Variants in CSF1R observed in about 807,000 individuals in gnomAD.
CSF1R encodes the protein macrophage colony-stimulating factor 1 receptor.
CSF1R carries 40 observed loss-of-function variants against 110.0 expected under a neutral mutation model. That is an observed-to-expected ratio of 0.36 (90% CI 0.28 to 0.47). The LOEUF (loss-of-function observed/expected upper bound fraction) is 0.47, where lower values mean the gene tolerates loss of function less well. Ranked by LOEUF, CSF1R falls within the 20% of genes least tolerant of loss-of-function variation. The pLI is 0.99. For synonymous variants in CSF1R, 523 were observed against 503.4 expected (o/e 1.04, Z -0.52); for missense variants, 1,052 against 1,253.0 (o/e 0.84, Z 2.42).
At chr5:150,054,501 G>A (rs949072243) in intron 19 of CSF1R, 71 bp from the exon 20 acceptor site, 3 of 1,311,050 alleles carry the variant, frequency 2.3e-6, no homozygotes, top group Non-Finnish European at 3.2e-6. Flanking sequence ...CACACCCCTA[G>A]AGAGACCTAC....
intron 1 of CSF1R, among the ~76,000 whole-genome samples, chr5:150,108,262 G>C (rs745875896): frequency 3.9e-5 from 6 of 152,320 alleles, no homozygotes; most frequent in Middle Eastern, 3.4e-3. Flanking sequence ...AAGCTTCTTG[G>C]AGAAAGTAGC....
At chr5:150,083,537 A>T (rs1758660986) in intron 1 of CSF1R, among the ~76,000 whole-genome samples, 2 of 151,654 alleles carry the variant, frequency 1.3e-5, no homozygotes. Context: ...TCCACTCATC[A>T]TTGGTCTGTT....
chr5:150,086,300 G>A lies in CSF1R; in HGVS notation c.49+79C>T, dbSNP rs41440044. The A allele has an allele frequency of 1.1e-3, 1,592 of 1,418,034 alleles. 13 individuals carry two copies. The African/African-American group carries it at 0.02, about 18-fold the overall frequency. The allele number at this position is 1,418,034 out of a possible 1,614,324, so 87.8% of individuals were successfully genotyped here. On this transcript the variant is annotated intron_variant, in intron 1 of 20. Coordinates refer to ENST00000675795, the MANE Select transcript of CSF1R (RefSeq NM_001288705.3). ...AAACAGCCTGAGGACACCCAGTGAGGGGCAAGGACTGAATCCTTTCACAGG... is the reference window on the plus strand; with the variant it reads ...AAACAGCCTGAGGACACCCAGTGAGAGGCAAGGACTGAATCCTTTCACAGG...
chr5:150,064,921 G>A (rs956141036), intron 10 of CSF1R, among the ~76,000 whole-genome samples: 13 of 152,326 alleles, frequency 8.5e-5, no homozygotes, highest in East Asian at 3.9e-4. Flanking sequence ...GCTCATGGGC[G>A]TCTACCCAGA....
At chr5:150,063,031 T>G (rs1308512562) in intron 10 of CSF1R, among the ~76,000 whole-genome samples, 1 of 151,992 alleles carries the variant, frequency 6.6e-6, no homozygotes, top group African/African-American at 2.4e-5. Flanking sequence ...TGGGATTTTT[T>G]TTTTTCCAAG....
intron 10 of CSF1R, among the ~76,000 whole-genome samples, chr5:150,064,924 T>C (rs1757692958): frequency 6.6e-6 from 1 of 152,208 alleles, no homozygotes; most frequent in Non-Finnish European, 1.5e-5. Flanking sequence ...CATGGGCGTC[T>C]ACCCAGAGGC....
At chr5:150,085,156 G>A (rs1219524575) in intron 1 of CSF1R, among the ~76,000 whole-genome samples, 2 of 151,730 alleles carry the variant, frequency 1.3e-5, no homozygotes, top group Non-Finnish European at 1.5e-5. Flanking sequence ...GTGTATGCCT[G>A]TAATCCCAGC....
intron 1 of CSF1R, among the ~76,000 whole-genome samples, chr5:150,100,044 G>A (rs1008046197): frequency 6.6e-6 from 1 of 152,052 alleles, no homozygotes; most frequent in Non-Finnish European, 1.5e-5. Context: ...ATAGACTGGT[G>A]GTACAAAATA....
At chr5:150,106,513 C>G (rs1294617292) in intron 1 of CSF1R, among the ~76,000 whole-genome samples, 1 of 152,148 alleles carries the variant, frequency 6.6e-6, no homozygotes. Context: ...GGGACCCAGA[C>G]AGAATAATGG....
intron 1 of CSF1R, among the ~76,000 whole-genome samples, chr5:150,106,375 C>A (rs1036238231): frequency 6.6e-6 from 1 of 152,162 alleles, no homozygotes; most frequent in Non-Finnish European, 1.5e-5. Context: ...GACCCTGGAA[C>A]CTCCAGACCC....
chr5:150,080,726 T>G, intron 2 of CSF1R, 41 bp downstream of exon 2: 1 of 1,612,026 alleles, frequency 6.2e-7, no homozygotes, highest in Non-Finnish European at 8.5e-7. Context: ...TAGTGGGGCC[T>G]GCCGGGTCAG....
chr5:150,075,243 T>C (rs1300485284), intron 5 of CSF1R, among the ~76,000 whole-genome samples: 2 of 152,182 alleles, frequency 1.3e-5, no homozygotes, highest in African/African-American at 4.8e-5. Context: ...CATCCATCCA[T>C]TAGTCCATTC....
At chr5:150,066,858 A>G (rs1757796367) in intron 10 of CSF1R, among the ~76,000 whole-genome samples, 1 of 151,640 alleles carries the variant, frequency 6.6e-6, no homozygotes, top group Admixed American at 6.6e-5. Flanking sequence ...AACCCTTCAG[A>G]CCCCCAACCC....
At position 150,080,248 on chromosome 5, in the gene CSF1R, C is replaced by G. The variant is rs570912127; in HGVS notation, c.396G>C (p.Pro132=). 1.9e-6 allele frequency: 3 copies of G among 1,613,870 alleles called. No individual in the cohort carries two copies. Among genetic ancestry groups the G allele is most frequent in the Non-Finnish European group, 1.7e-6 (2 of 1,180,044 alleles). The change falls in exon 3 of 21, where the codon CCG becomes CCC. Residue 132 remains proline (P), a synonymous_variant. Transcript: ENST00000675795. ...DALLPCLLTD[P]VLEAGVSLVR... The stretch of plus-strand genomic sequence containing the variant: ...CCAGCGAGACGCCTGCTTCCAGCAC[C>G]GGGTCTGTGAGCAGACAGGGCAGTA...
At chr5:150,074,784 G>C (rs1198557716) in intron 5 of CSF1R, among the ~76,000 whole-genome samples, 1 of 152,092 alleles carries the variant, frequency 6.6e-6, no homozygotes, top group Non-Finnish European at 1.5e-5. Flanking sequence ...TGGCGTTCAA[G>C]GCTCTCAATC....
In CSF1R at chr5:150,073,346, TG is replaced by T; in HGVS notation, c.1036del (p.Gln346SerfsTer26). ...AGCATTAGCAAGCTTGGGCTCAGGC[TG>T]GTGGTCAGAAAAGGGTCCCAGGTAG... ...WTYLGPFSDH[Q>X]PEPKLANATT... is the part of the protein sequence containing the mutation. On this transcript the variant is annotated frameshift_variant, in exon 6 of 21. Coordinates refer to ENST00000675795, the MANE Select transcript of CSF1R (RefSeq NM_001288705.3). LOFTEE classifies it high-confidence loss of function. The T allele has an allele frequency of 6.2e-7, 1 of 1,614,028 alleles. No individual in the cohort carries two copies. Among genetic ancestry groups the T allele is most frequent in the Non-Finnish European group, 8.5e-7 (1 of 1,179,992 alleles).
chr5:150,073,523 A>ATTAGTGGGAAGATGTCCTTGTTTATTTG (rs1758121394), intron 5 of CSF1R, 30 bp from the exon 6 acceptor site: 5 of 1,597,686 alleles, frequency 3.1e-6, no homozygotes, highest in Non-Finnish European at 4.3e-6. Flanking sequence ...AGCATCTGGC[A>ATTAGTGGGAAGATGTCCTTGTTTATTTG]TTAGTGGGAA....
At chr5:150,075,323 C>T (rs1758214889) in intron 5 of CSF1R, among the ~76,000 whole-genome samples, 1 of 152,208 alleles carries the variant, frequency 6.6e-6, no homozygotes, top group Admixed American at 6.5e-5. Flanking sequence ...CCATCAGCTC[C>T]AGCCTGGACC....
intron 5 of CSF1R, 106 bp from the exon 6 acceptor site, chr5:150,073,599 A>G: frequency 8.7e-7 from 1 of 1,148,398 alleles, no homozygotes; most frequent in Non-Finnish European, 1.2e-6. Context: ...CAGCTATGTC[A>G]CAGGTACATA....
Sources: allele counts gnomAD v4.1 joint callset (sites outside exome capture counted in the v4.1 genomes callset), GRCh38; gene constraint gnomAD v4.1.1; transcripts MANE v1.5; gene names NCBI Gene and HGNC (gene_info 2026-07-23, HGNC 2026-07-21).